FAAH2: variants seen among roughly 807,000 people sequenced by gnomAD.
FAAH2 encodes the protein fatty-acid amide hydrolase 2.
In FAAH2, 60 loss-of-function variants were observed where a neutral mutation model predicts 36.9. That is an observed-to-expected ratio of 1.63 (90% CI 1.32 to 2.02). FAAH2 has a LOEUF of 2.02. Among genes scored for constraint, FAAH2 ranks in the 30% most tolerant of loss-of-function variants. FAAH2 has a pLI of 0.00. For missense variants in FAAH2, 689 were observed against 397.5 expected (o/e 1.73, Z -6.23); for synonymous variants, 214 against 143.8 (o/e 1.49, Z -3.49).
the FAAH2 span, among the ~76,000 whole-genome samples, chrX:57,280,547 G>C: frequency 4.0e-5 from 4 of 100,979 alleles, no homozygotes; most frequent in Non-Finnish European, 7.9e-5. Context: ...AAAAAAAAAT[G>C]GTGACTGTAA....
In FAAH2 at chrX:57,341,255, T is replaced by A. The variant is rs745676551; in HGVS notation, c.623-16T>A. The stretch of plus-strand genomic sequence containing the variant: ...TATTAGATTATTTATTTGCAAGTAT[T>A]TTGTGTTTCTTGTAGGTGGTGAGGG... On this transcript the variant is annotated splice_polypyrimidine_tract_variant and intron_variant, in intron 4 of 10. Coordinates refer to ENST00000374900, the MANE Select transcript of FAAH2 (RefSeq NM_174912.4). 2.1e-5 allele frequency: 25 copies of A among 1,188,561 alleles called. No individual in the cohort carries two copies. The highest frequency in any genetic ancestry group is 4.8e-5 in the Admixed American group (2 of 41,903).
intron 2 of FAAH2, among the ~76,000 whole-genome samples, chrX:57,304,077 C>T (rs766331852): frequency 4.5e-5 from 5 of 111,404 alleles, no homozygotes; most frequent in Non-Finnish European, 7.5e-5. Context: ...TGTGGTGGCA[C>T]ATGCCTGTAA....
chrX:57,369,336 C>G (rs2054495489), intron 5 of FAAH2, among the ~76,000 whole-genome samples: 1 of 110,977 alleles, frequency 9.0e-6, no homozygotes, highest in African/African-American at 3.3e-5. Flanking sequence ...CTGAAAATTT[C>G]CCAAATTTTG....
intron 10 of FAAH2, among the ~76,000 whole-genome samples, chrX:57,464,386 C>A (rs760286657): frequency 9.1e-6 from 1 of 110,062 alleles, no homozygotes; most frequent in South Asian, 3.9e-4. Context: ...AACAAACCTG[C>A]ACATTCATCA....
chrX:57,195,228 G>A, the FAAH2 span, among the ~76,000 whole-genome samples: 2 of 111,646 alleles, frequency 1.8e-5, no homozygotes, highest in Admixed American at 9.5e-5. Flanking sequence ...ATTCCCACCA[G>A]CAGTGTAAAA....
At chrX:57,428,938 A>G (rs1052519949) in intron 7 of FAAH2, among the ~76,000 whole-genome samples, 3 of 111,973 alleles carry the variant, frequency 2.7e-5, no homozygotes, top group African/African-American at 9.7e-5. Context: ...AACAAAATAA[A>G]CAGACAACGT....
At chrX:57,157,318 G>T in the FAAH2 span, among the ~76,000 whole-genome samples, 1 of 111,608 alleles carries the variant, frequency 9.0e-6, no homozygotes, top group African/African-American at 3.3e-5. Context: ...AGTCATGATG[G>T]CCTGGTTACC....
chrX:57,190,525 G>A, the FAAH2 span, among the ~76,000 whole-genome samples: 1 of 110,398 alleles, frequency 9.1e-6, no homozygotes, highest in Non-Finnish European at 1.9e-5. Flanking sequence ...GAAAGTCGGG[G>A]CCCTGGTGGT....
the FAAH2 span, among the ~76,000 whole-genome samples, chrX:57,182,430 A>T: frequency 8.9e-6 from 1 of 111,880 alleles, no homozygotes; most frequent in Non-Finnish European, 1.9e-5. Context: ...AAAACAAAAC[A>T]TGCATGCAGC....
rs187874901 is a variant in FAAH2, at chrX:57,322,232, C to T, written c.413-9366C>T. 1.1e-3 allele frequency among the ~76,000 whole-genome samples: 126 copies of T among 111,364 alleles called. 3 individuals are homozygous for T. The highest frequency in any genetic ancestry group is 2.0e-3 in the Non-Finnish European group (105 of 53,036). Reference sequence around the variant, plus strand: ...GTCTCGATCTTCTGACCTCGTGATCCGCGCTCCTCGGCCTCCCAAAGTGCT... The same window carrying T: ...GTCTCGATCTTCTGACCTCGTGATCTGCGCTCCTCGGCCTCCCAAAGTGCT... On this transcript the variant is annotated intron_variant, in intron 3 of 10. Transcript: ENST00000374900.
At chrX:57,125,724 A>G in the FAAH2 span, among the ~76,000 whole-genome samples, 56 of 112,201 alleles carry the variant, frequency 5.0e-4, no homozygotes, top group East Asian at 0.015. Flanking sequence ...TTTCAGGGAA[A>G]GTTGTTTTGA....
chrX:57,406,715 C>T (rs769809754), intron 7 of FAAH2, among the ~76,000 whole-genome samples: 142 of 112,849 alleles, frequency 1.3e-3, no homozygotes, highest in African/African-American at 4.5e-3. Flanking sequence ...CTTCCTGCAG[C>T]CCAAAACATA....
At chrX:57,205,459 A>T in the FAAH2 span, among the ~76,000 whole-genome samples, 1 of 112,540 alleles carries the variant, frequency 8.9e-6, no homozygotes, top group Admixed American at 9.4e-5. Context: ...AAATAAAGTC[A>T]TCAGTTGTTC....
At chrX:57,148,139 G>C in the FAAH2 span, among the ~76,000 whole-genome samples, 31,446 of 110,195 alleles carry the variant, frequency 0.29, 3,491 homozygotes, top group Middle Eastern at 0.58. Flanking sequence ...TTTGGTACCA[G>C]TACCATGCTG....
chrX:57,338,758 G>T lies in FAAH2; in HGVS notation c.623-2513G>T, dbSNP rs562981476. ...CAAACTACTCAAAGAAATCAGATAG[G>T]ACACAAACAAATGGAAAAAAAAAAT... On this transcript the variant is annotated intron_variant, in intron 4 of 10. Transcript: ENST00000374900. 5.0e-4 allele frequency among the ~76,000 whole-genome samples: 55 copies of T among 110,488 alleles called. No homozygotes were observed. In the South Asian group the frequency reaches 0.02, roughly 41 times the overall value.
At chrX:57,438,056 CGTATATATGTATATACATACATACACGT>C (rs1267330001) in intron 8 of FAAH2, among the ~76,000 whole-genome samples, 1 of 102,359 alleles carries the variant, frequency 9.8e-6, no homozygotes, top group Non-Finnish European at 2.0e-5. Flanking sequence ...CACATATATA[CGTATATATGTATATACATACATACACGT>C]GTATATATGT....
intron 5 of FAAH2, among the ~76,000 whole-genome samples, chrX:57,367,204 C>A (rs1020528526): frequency 1.8e-5 from 2 of 112,540 alleles, no homozygotes; most frequent in African/African-American, 6.5e-5. Context: ...AAGGAAAGCA[C>A]AAAATGTCAG....
At chrX:57,270,679 A>T in the FAAH2 span, among the ~76,000 whole-genome samples, 33 of 111,638 alleles carry the variant, frequency 3.0e-4, no homozygotes, top group African/African-American at 1.0e-3. Context: ...CAGCCCACGG[A>T]GGGTGAGCTG....
chrX:57,404,829 G>A (rs1356579259), intron 7 of FAAH2, among the ~76,000 whole-genome samples: 1 of 112,155 alleles, frequency 8.9e-6, no homozygotes, highest in East Asian at 2.8e-4. Flanking sequence ...AAAGGTAGGG[G>A]CACACGCATG....
Sources: gnomAD v4.1 joint callset for allele counts (sites outside exome capture counted in the v4.1 genomes callset) on GRCh38, gnomAD v4.1.1 for gene constraint, MANE v1.5 for transcripts, NCBI Gene and HGNC (gene_info 2026-07-23, HGNC 2026-07-21) for gene names.